CNTNAP2: variants seen among roughly 807,000 people sequenced by gnomAD.
CNTNAP2 encodes the protein contactin-associated protein-like 2.
A neutral mutation model predicts 155.2 loss-of-function variants in CNTNAP2; 98 were observed. The ratio of observed to expected loss-of-function variants is 0.63; its 90% CI spans 0.54 to 0.75. The LOEUF is 0.75. CNTNAP2 is among the 30% of genes least tolerant of loss of function. The pLI is 0.00. For missense variants in CNTNAP2, 1,727 were observed against 1,688.1 expected (o/e 1.02, Z -0.40); for synonymous variants, 651 against 631.2 (o/e 1.03, Z -0.47).
intron 15 of CNTNAP2, among the ~76,000 whole-genome samples, chr7:147,994,901 A>G (rs972128525): frequency 6.6e-6 from 1 of 152,192 alleles, no homozygotes; most frequent in African/African-American, 2.4e-5. Flanking sequence ...CGTTCCTCTC[A>G]GATAAGGGGG....
chr7:147,343,048 C>A (rs1337745642), intron 9 of CNTNAP2, among the ~76,000 whole-genome samples: 2 of 152,058 alleles, frequency 1.3e-5, no homozygotes, highest in African/African-American at 4.8e-5. Flanking sequence ...CCATTGATTA[C>A]TCTTAAGCAG....
intron 1 of CNTNAP2, among the ~76,000 whole-genome samples, chr7:146,309,070 A>G (rs1168671385): frequency 6.6e-6 from 1 of 152,198 alleles, no homozygotes; most frequent in Admixed American, 6.5e-5. Flanking sequence ...AGTTTTAAAT[A>G]TTGAGTGCAG....
intron 10 of CNTNAP2, among the ~76,000 whole-genome samples, chr7:147,446,127 T>C (rs4726859): frequency 0.22 from 32,768 of 147,570 alleles, 4,070 homozygotes; most frequent in African/African-American, 0.34. Flanking sequence ...TTCTTTCTTT[T>C]TTTTTTTTTT....
chr7:147,721,978 G>A (rs1796573668), intron 13 of CNTNAP2, among the ~76,000 whole-genome samples: 2 of 152,130 alleles, frequency 1.3e-5, no homozygotes, highest in South Asian at 4.1e-4. Context: ...CCTGGATGGG[G>A]CATGCCCTTC....
intron 1 of CNTNAP2, among the ~76,000 whole-genome samples, chr7:146,519,300 C>G (rs1395413108): frequency 6.6e-6 from 1 of 151,868 alleles, no homozygotes; most frequent in Admixed American, 6.6e-5. Context: ...GAATTACAAT[C>G]AGGGCAAATC....
At chr7:146,592,425 C>T (rs384474) in intron 1 of CNTNAP2, among the ~76,000 whole-genome samples, 4,586 of 152,276 alleles carry the variant, frequency 0.03, 245 homozygotes, top group African/African-American at 0.1. Flanking sequence ...TGTATGCCTG[C>T]CTGCTTTCCT....
intron 9 of CNTNAP2, among the ~76,000 whole-genome samples, chr7:147,381,057 G>T (rs1417031950): frequency 6.6e-6 from 1 of 151,920 alleles, no homozygotes; most frequent in African/African-American, 2.4e-5. Context: ...AAACTTGCAC[G>T]CTACTCCCTC....
chr7:146,786,125 A>G (rs956597307), intron 2 of CNTNAP2, among the ~76,000 whole-genome samples: 21 of 152,206 alleles, frequency 1.4e-4, no homozygotes, highest in African/African-American at 5.1e-4. Context: ...CTGCACCTGT[A>G]AAAACTATAG....
At chr7:146,685,366 G>A (rs571989520) in intron 1 of CNTNAP2, among the ~76,000 whole-genome samples, 24 of 152,232 alleles carry the variant, frequency 1.6e-4, no homozygotes, top group Middle Eastern at 6.8e-3. Context: ...CAAACAACAT[G>A]CATCTCAGAT....
At chr7:147,449,417 C>T (rs928596089) in intron 10 of CNTNAP2, among the ~76,000 whole-genome samples, 4 of 152,090 alleles carry the variant, frequency 2.6e-5, no homozygotes, top group African/African-American at 7.2e-5. Flanking sequence ...CTACAACCAA[C>T]GTGTCTTTGC....
chr7:147,145,223 G>A (rs1298925303), intron 8 of CNTNAP2, among the ~76,000 whole-genome samples: 1 of 152,126 alleles, frequency 6.6e-6, no homozygotes, highest in Non-Finnish European at 1.5e-5. Context: ...GGCAAGTAAG[G>A]AGAAGAAATA....
At chr7:146,648,766 C>A (rs950811369) in intron 1 of CNTNAP2, among the ~76,000 whole-genome samples, 13 of 152,086 alleles carry the variant, frequency 8.5e-5, no homozygotes, top group Non-Finnish European at 1.9e-4. Flanking sequence ...CTTTGAGGCC[C>A]TTTGATGCAT....
At chr7:148,383,592 T>A in intron 21 of CNTNAP2, 57 bp from the exon 22 acceptor site, 3 of 1,613,528 alleles carry the variant, frequency 1.9e-6, no homozygotes, top group African/African-American at 2.7e-5. Context: ...GACAGGTATG[T>A]TGTACAGCTG....
chr7:147,327,030 C>T (rs1281230734), intron 9 of CNTNAP2, among the ~76,000 whole-genome samples: 1 of 152,246 alleles, frequency 6.6e-6, no homozygotes, highest in East Asian at 1.9e-4. Context: ...ATCTTAGAAT[C>T]CAATAGAAAG....
chr7:148,252,349 T>A (rs1796378274), intron 20 of CNTNAP2, among the ~76,000 whole-genome samples: 1 of 152,120 alleles, frequency 6.6e-6, no homozygotes, highest in Admixed American at 6.6e-5. Context: ...CCCCTTAGGG[T>A]CTTGATCAGG....
At position 147,652,633 on chromosome 7, in the gene CNTNAP2, G is replaced by A. The variant is rs150779227; in HGVS notation, c.2098+13327G>A. 3.4e-3 allele frequency among the ~76,000 whole-genome samples: 514 copies of A among 152,076 alleles called. 5 individuals are homozygous for A. Among genetic ancestry groups the A allele is most frequent in the African/African-American group, 0.011 (461 of 41,490 alleles). On this transcript the variant is annotated intron_variant, in intron 13 of 23. Transcript: ENST00000361727. ...CACCCAAGGAAAAACAGTAAATACCGTGCTGAGAGTCCAAACCAAGATTAA... is the reference window on the plus strand; with the variant it reads ...CACCCAAGGAAAAACAGTAAATACCATGCTGAGAGTCCAAACCAAGATTAA...
At position 147,770,068 on chromosome 7, in the gene CNTNAP2, A is replaced by T. The variant is rs140799514; in HGVS notation, c.2098+130762A>T. On this transcript the variant is annotated intron_variant, in intron 13 of 23. Coordinates refer to ENST00000361727, the MANE Select transcript of CNTNAP2 (RefSeq NM_014141.6). ...TGTGTGTGTGTGAGAGACACGATATACACCTGTCCTTTTGAGCAAGAGTCA... is the reference window on the plus strand; with the variant it reads ...TGTGTGTGTGTGAGAGACACGATATTCACCTGTCCTTTTGAGCAAGAGTCA... Among the ~76,000 whole-genome samples, 717 of 152,302 alleles carry T rather than the reference A, an allele frequency of 4.7e-3. 6 individuals carry two copies. The highest frequency in any genetic ancestry group is 4.7e-3 in the Non-Finnish European group (318 of 68,010).
At chr7:148,194,851 A>G (rs895176732) in intron 18 of CNTNAP2, among the ~76,000 whole-genome samples, 1 of 152,198 alleles carries the variant, frequency 6.6e-6, no homozygotes, top group Non-Finnish European at 1.5e-5. Context: ...GGGCAGATCT[A>G]CTATACTCAG....
intron 1 of CNTNAP2, among the ~76,000 whole-genome samples, chr7:146,211,264 T>G (rs1194311880): frequency 2.0e-5 from 3 of 152,154 alleles, no homozygotes; most frequent in Non-Finnish European, 4.4e-5. Flanking sequence ...AAAAATATAG[T>G]TTTAAGTTAG....
Sources: gnomAD v4.1 joint callset for allele counts (sites outside exome capture counted in the v4.1 genomes callset) on GRCh38, gnomAD v4.1.1 for gene constraint, MANE v1.5 for transcripts, NCBI Gene and HGNC (gene_info 2026-07-23, HGNC 2026-07-21) for gene names.